Variants in GIGYF2 observed in about 807,000 individuals in gnomAD.
The protein encoded by GIGYF2 is GRB10 interacting GYF protein 2, also known as GRB10-interacting GYF protein 2.
GIGYF2 carries 25 observed loss-of-function variants against 208.1 expected under a neutral mutation model. The ratio of observed to expected loss-of-function variants is 0.12; its 90% confidence interval spans 0.09 to 0.17. GIGYF2 has a LOEUF of 0.17. Among genes scored for constraint, GIGYF2 ranks in the 10% least tolerant of loss-of-function variants. The pLI is 1.00. For missense variants in GIGYF2, 1,302 were observed against 1,579.4 expected, an observed-to-expected ratio of 0.82 and a Z score of 2.98; for synonymous variants, 534 against 543.8, an observed-to-expected ratio of 0.98 and a Z score of 0.25.
Position 232,739,369 on chromosome 2 carries a change from C to G in GIGYF2, c.41+4131C>G, listed in dbSNP as rs868527905. On this transcript the variant is annotated intron_variant, in intron 3 of 28. Transcript: ENST00000373563. ...CTGGGCAACAAAAGCAAACCCCCCC[C>G]CCCCCGCAAAAAAAAAGAAAAGGGT... Among the ~76,000 whole-genome samples, 10 of 136,280 alleles carry G rather than the reference C, an allele frequency of 7.3e-5. No individual in the cohort carries two copies. The South Asian group carries it at 2.2e-3, about 30-fold the overall frequency. 89.4% of individuals were successfully genotyped at this position (136,280 alleles called of 152,430 possible).
chr2:232,857,182 TG>T lies in GIGYF2; in HGVS notation c.*325del, dbSNP rs1690610572. The T allele has an allele frequency of 2.3e-6, 1 of 442,774 alleles. No individual in the cohort carries two copies. Among genetic ancestry groups the T allele is most frequent in the Non-Finnish European group, 4.1e-6 (1 of 241,726 alleles). The allele number at this position is 442,774 out of a possible 1,614,324, so 27.4% of individuals were successfully genotyped here. ...ATCTACTGTCTCCCAGAAAGTGTGTTGGGATCGGCCATTAGCAGCTTGCTTT... is the reference window on the plus strand; with the variant it reads ...ATCTACTGTCTCCCAGAAAGTGTGTTGGATCGGCCATTAGCAGCTTGCTTT... On this transcript the variant is annotated 3_prime_UTR_variant, in exon 29 of 29. Transcript: ENST00000373563.
At chr2:232,818,246 C>A (rs1401502275) in intron 20 of GIGYF2, among the ~76,000 whole-genome samples, 2 of 152,308 alleles carry the variant, frequency 1.3e-5, no homozygotes, top group South Asian at 4.1e-4. Context: ...CTTAATGAAC[C>A]TTTTCTCTCT....
At chr2:232,725,393 C>G (rs908955396) in intron 2 of GIGYF2, among the ~76,000 whole-genome samples, 1 of 152,200 alleles carries the variant, frequency 6.6e-6, no homozygotes, top group Non-Finnish European at 1.5e-5. Context: ...CTCCCCCTGT[C>G]CCCCTTTATC....
rs1404667942 is a variant in GIGYF2, at chr2:232,747,689, C to T, written c.116C>T (p.Ala39Val). 6.2e-7 allele frequency: 1 copy of T among 1,613,670 alleles called. No homozygotes were observed. The highest frequency in any genetic ancestry group is 1.1e-5 in the South Asian group (1 of 91,072). The change falls in exon 4 of 29, where the codon GCA becomes GTA. Residue 39 changes from alanine (A) to valine (V), a missense_variant. By Grantham distance (64) the Ala-to-Val change is moderately conservative. Coordinates refer to ENST00000373563, the MANE Select transcript of GIGYF2 (RefSeq NM_001103146.3). The stretch of plus-strand genomic sequence containing the variant: ...CCAGCATTGCCGAAGTATAAATTAG[C>T]AGATTATCGTTACGGCAGAGAAGAA... ...LSPALPKYKL[A>V]DYRYGREEML...
chr2:232,773,890 A>T (rs2106343745), intron 8 of GIGYF2, among the ~76,000 whole-genome samples: 1 of 141,806 alleles, frequency 7.1e-6, no homozygotes, highest in South Asian at 2.4e-4. Flanking sequence ...TAGGCAACGT[A>T]GTGAGACTTT....
chr2:232,736,109 G>A, intron 3 of GIGYF2: 1 of 955,148 alleles, frequency 1.0e-6, no homozygotes, highest in Non-Finnish European at 1.2e-6. Context: ...ATTAATATAT[G>A]TAATCTCGAA....
At chr2:232,755,853 C>A (rs900866585) in intron 5 of GIGYF2, among the ~76,000 whole-genome samples, 1 of 152,170 alleles carries the variant, frequency 6.6e-6, no homozygotes, top group Non-Finnish European at 1.5e-5. Flanking sequence ...GCTTACAGGA[C>A]CCTTTCAAAC....
Position 232,768,447 on chromosome 2 carries a change from T to G in GIGYF2, c.532+7011T>G, listed in dbSNP as rs374411396. 221 of 1,614,230 alleles carry G rather than the reference T, an allele frequency of 1.4e-4. 5 individuals carry two copies. In the South Asian group the frequency reaches 2.3e-3, roughly 17 times the overall value. On this transcript the variant is annotated intron_variant, in intron 8 of 28. Coordinates refer to ENST00000373563, the MANE Select transcript of GIGYF2 (RefSeq NM_001103146.3). ...CCTTTGGCATATTTCTCCAGTGCCCTCCTGCATTGCTGAAAGGAATACAAC... is the reference window on the plus strand; with the variant it reads ...CCTTTGGCATATTTCTCCAGTGCCCGCCTGCATTGCTGAAAGGAATACAAC...
chr2:232,786,998 A>G, intron 8 of GIGYF2, 152 bp from the exon 9 acceptor site: 1 of 650,210 alleles, frequency 1.5e-6, no homozygotes. Flanking sequence ...GTCTAATAAT[A>G]TATACATATA....
chr2:232,789,018 C>T (rs1474018139), intron 9 of GIGYF2, among the ~76,000 whole-genome samples: 3 of 152,014 alleles, frequency 2.0e-5, no homozygotes, highest in African/African-American at 4.8e-5. Flanking sequence ...TAACTCTTAA[C>T]GTTTGTTAGT....
chr2:232,813,493 C>T (rs1204424988), intron 18 of GIGYF2, among the ~76,000 whole-genome samples: 1 of 152,168 alleles, frequency 6.6e-6, no homozygotes, highest in South Asian at 2.1e-4. Flanking sequence ...AGGTGTGAGC[C>T]ACTGCGCCCA....
At chr2:232,704,597 G>T (rs115065613) in intron 2 of GIGYF2, among the ~76,000 whole-genome samples, 6 of 151,902 alleles carry the variant, frequency 3.9e-5, no homozygotes, top group African/African-American at 1.5e-4. Context: ...GGGTTTTGCC[G>T]TGTTGGCCAG....
At position 232,796,468 on chromosome 2, in the gene GIGYF2, C is replaced by G. The variant is rs566027331; in HGVS notation, c.1639+247C>G. On this transcript the variant is annotated intron_variant, in intron 14 of 28. Coordinates refer to ENST00000373563, the MANE Select transcript of GIGYF2 (RefSeq NM_001103146.3). ...CTGAAAATCCAAATTCCATAATGCT[C>G]TATTGAATGTTTCCTTTGTGTGATG... 1.2e-4 allele frequency among the ~76,000 whole-genome samples: 19 copies of G among 152,312 alleles called. No individual in the cohort carries two copies. In the South Asian group the frequency reaches 3.9e-3, roughly 32 times the overall value.
At chr2:232,847,863 C>A (rs1053165481) in intron 27 of GIGYF2, among the ~76,000 whole-genome samples, 3 of 152,170 alleles carry the variant, frequency 2.0e-5, no homozygotes, top group Non-Finnish European at 4.4e-5. Context: ...ACCCATAGAT[C>A]TGGTTTTGAA....
intron 13 of GIGYF2, among the ~76,000 whole-genome samples, chr2:232,795,600 TA>T (rs1700199811): frequency 6.6e-6 from 1 of 152,166 alleles, no homozygotes; most frequent in Non-Finnish European, 1.5e-5. Flanking sequence ...CTTATTAGTT[TA>T]AAAAGTACTC....
intron 9 of GIGYF2, among the ~76,000 whole-genome samples, chr2:232,788,889 C>T (rs1325256420): frequency 3.3e-5 from 5 of 151,778 alleles, no homozygotes; most frequent in African/African-American, 1.2e-4. Flanking sequence ...ATAAAGATCC[C>T]CCAAATATAA....
intron 21 of GIGYF2, among the ~76,000 whole-genome samples, chr2:232,827,298 A>T (rs1701282269): frequency 6.6e-6 from 1 of 152,160 alleles, no homozygotes; most frequent in South Asian, 2.1e-4. Context: ...GTTTTGTACG[A>T]CTTGCTTTAT....
chr2:232,727,883 C>G (rs1222610337), intron 2 of GIGYF2, among the ~76,000 whole-genome samples: 2 of 152,230 alleles, frequency 1.3e-5, no homozygotes, highest in Non-Finnish European at 2.9e-5. Context: ...TTGTTCAAAA[C>G]CATCCTCGTT....
chr2:232,822,230 A>G (rs1052115791), intron 21 of GIGYF2, among the ~76,000 whole-genome samples: 1 of 152,184 alleles, frequency 6.6e-6, no homozygotes, highest in African/African-American at 2.4e-5. Context: ...TTTAAGATAT[A>G]CTGAGGCTTC....
Sources: gnomAD v4.1 joint callset for allele counts (sites outside exome capture counted in the v4.1 genomes callset) on GRCh38, gnomAD v4.1.1 for gene constraint, MANE v1.5 for transcripts, NCBI Gene and HGNC (gene_info 2026-07-23, HGNC 2026-07-21) for gene names.